The following SEC14L1 variants were observed in gnomAD, a reference collection of about 807,000 sequenced individuals.
SEC14L1 encodes SEC14 like lipid binding 1, also known as SEC14-like protein 1.
Under a neutral mutation model 85.3 loss-of-function variants are expected in SEC14L1, and 48 were observed. The observed-to-expected ratio is 0.56, with a 90% CI of 0.45 to 0.72. The LOEUF is 0.72. Among genes scored for constraint, SEC14L1 ranks in the 30% least tolerant of loss-of-function variants. The probability of loss-of-function intolerance (pLI) is 0.00; values close to 1 mark genes in which losing one functional copy is unlikely to be tolerated. For synonymous variants in SEC14L1, 391 were observed against 355.5 expected (o/e 1.10, Z -1.12); for missense variants, 682 against 921.4 (o/e 0.74, Z 3.36).
chr17:77,206,762 A>G lies in SEC14L1; in HGVS notation c.1376A>G (p.Lys459Arg). 6.2e-7 allele frequency: 1 copy of G among 1,612,492 alleles called. No homozygotes were observed. Among genetic ancestry groups the G allele is most frequent in the Non-Finnish European group, 8.5e-7 (1 of 1,179,530 alleles). The change falls in exon 13 of 17, where the codon AAG (lysine) becomes AGG (arginine). Residue 459 changes from lysine to arginine, a missense_variant. By Grantham distance (26) the Lys-to-Arg change is conservative. This residue lies in a region of SEC14L1 where 420 missense variants were observed against 619.5 expected (regional missense o/e 0.68). Transcript: ENST00000436233. The surrounding 1 kb of genome is among the most constrained non-coding windows in gnomAD (Gnocchi z 4.3). ...SPFIDDNTRRKFLIYAGNDYQ... is the reference protein window; with the variant it reads ...SPFIDDNTRRRFLIYAGNDYQ... ...TTCATTGATGACAACACCAGAAGGA[A>G]GTTCCTCATTTATGCAGGAAATGAC...
chr17:77,215,786 T>A lies in SEC14L1; in HGVS notation c.*1763T>A, dbSNP rs62078341. 1.9e-5 allele frequency: 18 copies of A among 932,072 alleles called. 6 individuals carry two copies. Among genetic ancestry groups the A allele is most frequent in the East Asian group, 1.2e-4 (1 of 8,514 alleles). 57.7% of individuals were successfully genotyped at this position (932,072 alleles called of 1,614,324 possible). The stretch of plus-strand genomic sequence containing the variant: ...TAGTAGGTAGGGCTAGTAGGTAGGG[T>A]TCGTAGGTAGGGTTCGTAGGTAGGG... On this transcript the variant is annotated 3_prime_UTR_variant, in exon 17 of 17. Transcript: ENST00000436233.
intron 3 of SEC14L1, among the ~76,000 whole-genome samples, chr17:77,169,010 T>G (rs1187189864): frequency 4.8e-5 from 1 of 20,988 alleles, no homozygotes. Context: ...GGAGCATCTT[T>G]TTTTTTTTTT....
rs1396210958 is a variant in SEC14L1 at position 77,213,161 on chromosome 17, C to T, written c.1864-153C>T. Among the ~76,000 whole-genome samples the T allele has an allele frequency of 6.6e-6, 1 of 152,268 alleles. No homozygotes were observed. Among genetic ancestry groups the T allele is most frequent in the Non-Finnish European group, 1.5e-5 (1 of 68,038 alleles). ...GGGAAGGACATTGTCAAACCTGCTG[C>T]TGAAGCAAAATAGCAGGTTCTGAAT... On this transcript the variant is annotated intron_variant, in intron 15 of 16. Coordinates refer to ENST00000436233, the MANE Select transcript of SEC14L1 (RefSeq NM_001143998.2). The surrounding 1 kb of genome is among the most constrained non-coding windows in gnomAD (Gnocchi z 7.1).
In SEC14L1 at chr17:77,206,919, G is replaced by A. The variant is rs996124703; in HGVS notation, c.1476+57G>A. 5 of 1,432,196 alleles carry A rather than the reference G, an allele frequency of 3.5e-6. No homozygotes were observed. In the African/African-American group the frequency reaches 4.3e-5, roughly 12 times the overall value. 88.7% of individuals were successfully genotyped at this position (1,432,196 alleles called of 1,614,324 possible). On this transcript the variant is annotated intron_variant, in intron 13 of 16. Coordinates refer to ENST00000436233, the MANE Select transcript of SEC14L1 (RefSeq NM_001143998.2). The surrounding 1 kb of genome is among the most constrained non-coding windows in gnomAD (Gnocchi z 4.3). ...GCCCCTTATGCAGGTGGGAGAGGTC[G>A]GTGTCGATTTGCACAAATGATTTTC...
At chr17:77,112,145 T>C (rs1972062338) in intron 3 of SEC14L1, among the ~76,000 whole-genome samples, 1 of 152,164 alleles carries the variant, frequency 6.6e-6, no homozygotes, top group African/African-American at 2.4e-5. Flanking sequence ...TCAGCACTTC[T>C]CCTTCCTACT....
At chr17:77,136,915 T>C (rs543295312), upstream of SEC14L1, among the ~76,000 whole-genome samples, 11 of 151,662 alleles carry the variant, frequency 7.3e-5, no homozygotes, top group East Asian at 3.9e-4. Flanking sequence ...TTCTTTCTTT[T>C]TTTTTTTTTT....
intron 3 of SEC14L1, among the ~76,000 whole-genome samples, chr17:77,155,768 C>T (rs576578279): frequency 8.5e-5 from 13 of 152,330 alleles, no homozygotes; most frequent in African/African-American, 2.9e-4. Flanking sequence ...CAGAATCTCG[C>T]TCTGTTGCCC....
chr17:77,216,172 G>A lies in SEC14L1; in HGVS notation c.*2149G>A. On this transcript the variant is annotated 3_prime_UTR_variant, in exon 17 of 17. Transcript: ENST00000436233. ...TTCGTAGGTAGGGTTCGTAGGTAGG[G>A]CTAGTAGGTAGGGTTAGTAGGTAGG... 1 of 745,728 alleles carries A rather than the reference G, an allele frequency of 1.3e-6. No homozygotes were observed. Among genetic ancestry groups the A allele is most frequent in the East Asian group, 9.4e-5 (1 of 10,618 alleles). 46.2% of individuals were successfully genotyped at this position (745,728 alleles called of 1,614,324 possible).
intron 3 of SEC14L1, among the ~76,000 whole-genome samples, chr17:77,165,509 T>C (rs1470763764): frequency 6.6e-6 from 1 of 151,808 alleles, no homozygotes; most frequent in African/African-American, 2.4e-5. Flanking sequence ...TCTCAGTGAG[T>C]AGAGGGGTGA....
Position 77,191,191 on chromosome 17 carries a change from T to G in SEC14L1, c.224T>G (p.Val75Gly). 6.2e-7 allele frequency: 1 copy of G among 1,612,088 alleles called. No homozygotes were observed. Residue 75 changes from valine to glycine, a missense_variant, in exon 5 of 17, where the codon GTT (valine) becomes GGT (glycine). Physicochemically the swap from Val to Gly is moderately radical, Grantham distance 109. Transcript: ENST00000436233. Reference protein sequence around the residue: ...APRLLKKIAGVDYVYFVQKNS... With the variant: ...APRLLKKIAGGDYVYFVQKNS... The stretch of plus-strand genomic sequence containing the variant: ...CTTTTTTTTTTGAAGATTGCAGGAG[T>G]TGATTATGTTTATTTTGTCCAGAAA...
chr17:77,174,919 C>T (rs1031736677), intron 3 of SEC14L1, among the ~76,000 whole-genome samples: 7 of 152,204 alleles, frequency 4.6e-5, no homozygotes, highest in Non-Finnish European at 1.0e-4. Flanking sequence ...TGTCCTTCCC[C>T]TGTTGGCTAG....
At chr17:77,124,118 CTT>C (rs1434638960) in intron 3 of SEC14L1, among the ~76,000 whole-genome samples, 1 of 152,034 alleles carries the variant, frequency 6.6e-6, no homozygotes, top group Non-Finnish European at 1.5e-5. Context: ...TATCCTAACA[CTT>C]TGGGAGGCCA....
In SEC14L1 at chr17:77,116,829, G is replaced by A. The variant is rs181154541; in HGVS notation, c.-136+23482G>A. On this transcript the variant is annotated intron_variant, in intron 3 of 19. Coordinates refer to the SEC14L1 transcript ENST00000392476. ...AGCTTACCTGGCAGGATGCTCTGGG[G>A]TAAGTGGGACTGTAGAAGTCCCCTG... Among the ~76,000 whole-genome samples, 533 of 152,292 alleles carry A rather than the reference G, an allele frequency of 3.5e-3. 2 individuals are homozygous for A. Among genetic ancestry groups the A allele is most frequent in the Middle Eastern group, 0.017 (5 of 294 alleles).
At chr17:77,198,489 C>T (rs985330072) in intron 8 of SEC14L1, among the ~76,000 whole-genome samples, 18 of 152,262 alleles carry the variant, frequency 1.2e-4, no homozygotes, top group African/African-American at 4.1e-4. Context: ...AGTCCTTTAA[C>T]CACAAGCCAG....
chr17:77,199,542 A>T (rs542013066), intron 8 of SEC14L1: 18 of 154,438 alleles, frequency 1.2e-4, no homozygotes, highest in African/African-American at 4.3e-4. Context: ...AACATCATCC[A>T]TGTTTAATTC....
chr17:77,213,276 CGA>C lies in SEC14L1; in HGVS notation c.1864-36_1864-35del, dbSNP rs1448240314. 5 of 1,558,538 alleles carry C rather than the reference CGA, an allele frequency of 3.2e-6. No homozygotes were observed. The highest frequency in any genetic ancestry group is 4.3e-6 in the Non-Finnish European group (5 of 1,150,636). On this transcript the variant is annotated intron_variant, in intron 15 of 16. Transcript: ENST00000436233. This position sits in a 1 kb window ranked among gnomAD's most constrained non-coding sequence, Gnocchi z 7.1. ...CCTGTGGTAGGCCAGGGGTCGGAAG[CGA>C]GTCGCCCTCAGCTGCCACTGCCCTA...
At chr17:77,194,064 T>C (rs970813746) in intron 6 of SEC14L1, among the ~76,000 whole-genome samples, 2 of 152,164 alleles carry the variant, frequency 1.3e-5, no homozygotes, top group Admixed American at 1.3e-4. Context: ...AGAATTGAAA[T>C]TGAGACAGAA....
intron 3 of SEC14L1, among the ~76,000 whole-genome samples, chr17:77,151,943 A>G (rs1372940210): frequency 6.6e-6 from 1 of 152,208 alleles, no homozygotes; most frequent in Non-Finnish European, 1.5e-5. Flanking sequence ...TTGTTGACAA[A>G]TACTTCAGTG....
intron 3 of SEC14L1, among the ~76,000 whole-genome samples, chr17:77,098,802 T>C (rs1437444026): frequency 1.3e-5 from 2 of 152,190 alleles, no homozygotes; most frequent in African/African-American, 4.8e-5. Flanking sequence ...TTAGCTTCCC[T>C]GAACACTACT....
Sources: gnomAD v4.1 joint callset for allele counts (sites outside exome capture counted in the v4.1 genomes callset) on GRCh38, gnomAD v4.1.1 for gene constraint, gnomAD v4.1.1 regional missense constraint, Gnocchi (gnomAD v3.1) non-coding constraint, MANE v1.5 for transcripts, NCBI Gene and HGNC (gene_info 2026-07-23, HGNC 2026-07-21) for gene names.